PCDHB8: variants seen among roughly 807,000 people sequenced by gnomAD.
The protein encoded by PCDHB8 is protocadherin beta 8.
For missense variants in PCDHB8, 836 were observed against 1,004.0 expected (o/e 0.83, Z 2.26); for synonymous variants, 385 against 448.5 (o/e 0.86, Z 1.79).
chr5:141,180,042 C>T lies in PCDHB8; in HGVS notation c.2008C>T (p.Pro670Ser). The T allele has an allele frequency of 6.2e-7, 1 of 1,609,540 alleles. No individual in the cohort carries two copies. The highest frequency in any genetic ancestry group is 8.5e-7 in the Non-Finnish European group (1 of 1,179,824). ...HVLLVDGFSQ[P>S]YLPLPEAAPA... Reference sequence around the variant, plus strand: ...GCTCCTGGTGGACGGCTTCTCCCAGCCCTACCTGCCGCTTCCGGAGGCTGC... The same window carrying T: ...GCTCCTGGTGGACGGCTTCTCCCAGTCCTACCTGCCGCTTCCGGAGGCTGC... Residue 670 changes from proline to serine, a missense_variant, in exon 1 of 1, where the codon CCC becomes TCC. By Grantham distance (74) the Pro-to-Ser change is moderately conservative. Coordinates refer to ENST00000239444, the MANE Select transcript of PCDHB8 (RefSeq NM_019120.5).
At position 141,179,877 on chromosome 5, in the gene PCDHB8, C is replaced by G. The variant is rs782255854; in HGVS notation, c.1843C>G (p.Leu615Val). ...GCTGCTCAAGGCCACGGAGCCCGGG[C>G]TGTTCGGTGTGTGGGCGCACAATGG... Reference protein sequence around the residue: ...YQLLKATEPGLFGVWAHNGEV... With the variant: ...YQLLKATEPGVFGVWAHNGEV... The change falls in exon 1 of 1, where the codon CTG (leucine) becomes GTG (valine). Residue 615 changes from leucine (L) to valine (V), a missense_variant. Transcript: ENST00000239444. 10 of 1,609,796 alleles carry G rather than the reference C, an allele frequency of 6.2e-6. No individual in the cohort carries two copies. Among genetic ancestry groups the G allele is most frequent in the Non-Finnish European group, 7.6e-6 (9 of 1,179,676 alleles).
chr5:141,179,876 G>T lies in PCDHB8; in HGVS notation c.1842G>T (p.Gly614=), dbSNP rs1554281433. 2 of 1,609,746 alleles carry T rather than the reference G, an allele frequency of 1.2e-6. No individual in the cohort carries two copies. The highest frequency in any genetic ancestry group is 2.2e-5 in the South Asian group (2 of 90,972). The change falls in exon 1 of 1, where the codon GGG becomes GGT. Residue 614 remains glycine (G), a synonymous_variant. Transcript: ENST00000239444. ...AGCTGCTCAAGGCCACGGAGCCCGGGCTGTTCGGTGTGTGGGCGCACAATG... is the reference window on the plus strand; with the variant it reads ...AGCTGCTCAAGGCCACGGAGCCCGGTCTGTTCGGTGTGTGGGCGCACAATG... ...SYQLLKATEP[G]LFGVWAHNGE... is the part of the protein sequence containing the mutation.
In PCDHB8 at chr5:141,178,755, C is replaced by A; in HGVS notation, c.721C>A (p.Pro241Thr). ...IEVVDVNDNA[P>T]EFEQPFYRVQ... ...AGTTGTCGATGTCAATGATAATGCC[C>A]CTGAATTTGAGCAGCCTTTCTATAG... Residue 241 changes from proline (P) to threonine (T), a missense_variant, in exon 1 of 1, where the codon CCT (proline) becomes ACT (threonine). Physicochemically the swap from Pro to Thr is conservative, Grantham distance 38. Transcript: ENST00000239444. 1 of 1,612,814 alleles carries A rather than the reference C, an allele frequency of 6.2e-7. No individual in the cohort carries two copies. Among genetic ancestry groups the A allele is most frequent in the African/African-American group, 1.3e-5 (1 of 74,980 alleles).
chr5:141,179,906 G>C lies in PCDHB8; in HGVS notation c.1872G>C (p.Glu624Asp). The C allele has an allele frequency of 6.2e-7, 1 of 1,609,474 alleles. No individual in the cohort carries two copies. Among genetic ancestry groups the C allele is most frequent in the Non-Finnish European group, 8.5e-7 (1 of 1,179,656 alleles). The part of the protein sequence containing the change: ...GLFGVWAHNG[E>D]VRTARLLSER... ...TCGGTGTGTGGGCGCACAATGGCGA[G>C]GTGCGCACCGCCAGGCTGCTGAGCG... The change falls in exon 1 of 1, where the codon GAG becomes GAC. Residue 624 changes from glutamate to aspartate, a missense_variant. Transcript: ENST00000239444.
rs1554281520 is a variant in PCDHB8 at position 141,180,043 on chromosome 5, C to A, written c.2009C>A (p.Pro670His). The change falls in exon 1 of 1, where the codon CCC becomes CAC. Residue 670 changes from proline to histidine, a missense_variant. Transcript: ENST00000239444. The part of the protein sequence containing the change: ...HVLLVDGFSQ[P>H]YLPLPEAAPA... ...CTCCTGGTGGACGGCTTCTCCCAGC[C>A]CTACCTGCCGCTTCCGGAGGCTGCC... 6.2e-7 allele frequency: 1 copy of A among 1,609,652 alleles called. No individual in the cohort carries two copies. The highest frequency in any genetic ancestry group is 1.1e-5 in the South Asian group (1 of 90,988).
At position 141,179,416 on chromosome 5, in the gene PCDHB8, T is replaced by C; in HGVS notation, c.1382T>C (p.Val461Ala). Reference sequence around the variant, plus strand: ...ACCCAAACCTCCTACACCCTGTTCGTCCGCGAGAACAACAGCCCCGCCCTG... The same window carrying C: ...ACCCAAACCTCCTACACCCTGTTCGCCCGCGAGAACAACAGCCCCGCCCTG... ...AFTQTSYTLF[V>A]RENNSPALHI... The change falls in exon 1 of 1, where the codon GTC (valine) becomes GCC (alanine). Residue 461 changes from valine (V) to alanine (A), a missense_variant. Transcript: ENST00000239444. 3 of 1,614,158 alleles carry C rather than the reference T, an allele frequency of 1.9e-6. No individual in the cohort carries two copies. Among genetic ancestry groups the C allele is most frequent in the Non-Finnish European group, 2.5e-6 (3 of 1,180,036 alleles).
In PCDHB8 at chr5:141,179,814, G is replaced by A. The variant is rs782483601; in HGVS notation, c.1780G>A (p.Asp594Asn). The change falls in exon 1 of 1, where the codon GAC becomes AAC. Residue 594 changes from aspartate (D) to asparagine (N), a missense_variant. Coordinates refer to ENST00000239444, the MANE Select transcript of PCDHB8 (RefSeq NM_019120.5). ...GYLVTKVVAV[D>N]GDSGQNAWLS... ...CCTGGTGACCAAGGTGGTGGCGGTG[G>A]ACGGCGACTCGGGCCAGAACGCCTG... 1 of 1,610,238 alleles carries A rather than the reference G, an allele frequency of 6.2e-7. No homozygotes were observed.
At position 141,179,681 on chromosome 5, in the gene PCDHB8, C is replaced by G; in HGVS notation, c.1647C>G (p.Arg549=). The change falls in exon 1 of 1, where the codon CGC becomes CGG. Residue 549 remains arginine, a synonymous_variant. Coordinates refer to ENST00000239444, the MANE Select transcript of PCDHB8 (RefSeq NM_019120.5). ...SPALSSEALV[R]VLVLDANDNS... is the part of the protein sequence containing the mutation. ...CTTTGAGCAGCGAGGCGCTGGTGCG[C>G]GTGCTGGTGCTGGACGCCAACGACA... 2 of 1,612,364 alleles carry G rather than the reference C, an allele frequency of 1.2e-6. No homozygotes were observed. Among genetic ancestry groups the G allele is most frequent in the Middle Eastern group, 2.1e-4 (1 of 4,816 alleles).
At position 141,179,854 on chromosome 5, in the gene PCDHB8, TGCTCAAGGCCACGGAG is replaced by T; in HGVS notation, c.1821_1836del (p.Leu608ProfsTer19). On this transcript the variant is annotated frameshift_variant, in exon 1 of 1. Transcript: ENST00000239444. LOFTEE classifies it low-confidence loss of function (END_TRUNC). Reference sequence around the variant, plus strand: ...CAGAACGCCTGGCTGTCGTACCAGCTGCTCAAGGCCACGGAGCCCGGGCTGTTCGGTGTGTGGGCGC... The same window carrying T: ...CAGAACGCCTGGCTGTCGTACCAGCTCCCGGGCTGTTCGGTGTGTGGGCGC... 6.2e-7 allele frequency: 1 copy of T among 1,610,144 alleles called. No homozygotes were observed. Among genetic ancestry groups the T allele is most frequent in the Non-Finnish European group, 8.5e-7 (1 of 1,179,656 alleles).
Position 141,178,547 on chromosome 5 carries a change from T to G in PCDHB8, c.513T>G (p.Tyr171Ter). Reference protein sequence around the residue: ...LDIGQNNIENYIISPNSYFRV... With the variant: ...LDIGQNNIEN ...TAGGCCAAAACAATATTGAGAACTA[T>G]ATAATCAGCCCCAACTCCTATTTTC... Residue 171 changes from tyrosine (Y) to a stop codon, truncating the protein, a stop_gained, in exon 1 of 1, where the codon TAT becomes TAG. Coordinates refer to ENST00000239444, the MANE Select transcript of PCDHB8 (RefSeq NM_019120.5). LOFTEE classifies it low-confidence loss of function (END_TRUNC). The G allele has an allele frequency of 6.2e-7, 1 of 1,614,164 alleles. No individual in the cohort carries two copies. Among genetic ancestry groups the G allele is most frequent in the Admixed American group, 1.7e-5 (1 of 60,018 alleles).
Position 141,180,257 on chromosome 5 carries a change from G to A in PCDHB8, c.2223G>A (p.Arg741=), listed in dbSNP as rs782748542. ...GPFPGHLVDV[R]GTGSLSQNYQ... ...TTCCAGGGCATCTGGTGGACGTGAG[G>A]GGCACCGGGAGCCTGTCTCAGAACT... Residue 741 remains arginine, a synonymous_variant, in exon 1 of 1, where the codon AGG becomes AGA. Transcript: ENST00000239444. The A allele has an allele frequency of 4.3e-6, 7 of 1,613,786 alleles. No individual in the cohort carries two copies. The highest frequency in any genetic ancestry group is 1.7e-5 in the Admixed American group (1 of 60,018).
chr5:141,178,746 G>A lies in PCDHB8; in HGVS notation c.712G>A (p.Asp238Asn), dbSNP rs1753448978. Residue 238 changes from aspartate to asparagine, a missense_variant, in exon 1 of 1, where the codon GAT (aspartate) becomes AAT (asparagine). Physicochemically the swap from Asp to Asn is conservative, Grantham distance 23. Transcript: ENST00000239444. ...CTACATTGAAGTTGTCGATGTCAAT[G>A]ATAATGCCCCTGAATTTGAGCAGCC... is the stretch of plus-strand genomic sequence containing the variant. ...QVYIEVVDVN[D>N]NAPEFEQPFY... 6.2e-7 allele frequency: 1 copy of A among 1,604,370 alleles called. No homozygotes were observed. The highest frequency in any genetic ancestry group is 8.5e-7 in the Non-Finnish European group (1 of 1,172,048).
rs782181822 is a variant in PCDHB8 at position 141,178,809 on chromosome 5, A to G, written c.775A>G (p.Ser259Gly). 2.4e-5 allele frequency: 39 copies of G among 1,613,956 alleles called. No individual in the cohort carries two copies. The East Asian group carries it at 5.1e-4, about 21-fold the overall frequency. Residue 259 changes from serine to glycine, a missense_variant, in exon 1 of 1, where the codon AGC (serine) becomes GGC (glycine). Coordinates refer to ENST00000239444, the MANE Select transcript of PCDHB8 (RefSeq NM_019120.5). ...GCAGATCTCTGAGGACAGTCCAATA[A>G]GCTTCCTGGTTGTGAAGGTCTCTGC... ...RVQISEDSPI[S>G]FLVVKVSATD...
Position 141,179,250 on chromosome 5 carries a change from A to T in PCDHB8, c.1216A>T (p.Thr406Ser). ...SSVGNFYTLLTETPLDRESRA... is the reference protein window; with the variant it reads ...SSVGNFYTLLSETPLDRESRA... ...TGTGGGGAACTTTTACACCCTACTAACAGAGACACCACTAGACAGAGAAAG... is the reference window on the plus strand; with the variant it reads ...TGTGGGGAACTTTTACACCCTACTATCAGAGACACCACTAGACAGAGAAAG... The change falls in exon 1 of 1, where the codon ACA becomes TCA. Residue 406 changes from threonine to serine, a missense_variant. Physicochemically the swap from Thr to Ser is moderately conservative, Grantham distance 58. Transcript: ENST00000239444. The T allele has an allele frequency of 7.4e-6, 12 of 1,614,142 alleles. No individual in the cohort carries two copies. The highest frequency in any genetic ancestry group is 1.0e-5 in the Non-Finnish European group (12 of 1,180,032).
chr5:141,179,294 C>A lies in PCDHB8; in HGVS notation c.1260C>A (p.Val420=). The A allele has an allele frequency of 6.2e-7, 1 of 1,614,252 alleles. No individual in the cohort carries two copies. Among genetic ancestry groups the A allele is most frequent in the Non-Finnish European group, 8.5e-7 (1 of 1,180,046 alleles). ...LDRESRAEYN[V]TITVTDLGTP... ...GAGAAAGCAGAGCCGAGTACAACGT[C>A]ACTATCACCGTCACTGACTTAGGGA... Residue 420 remains valine (V), a synonymous_variant, in exon 1 of 1, where the codon GTC becomes GTA. Coordinates refer to ENST00000239444, the MANE Select transcript of PCDHB8 (RefSeq NM_019120.5).
rs147123510 is a variant in PCDHB8 at position 141,180,125 on chromosome 5, G to A, written c.2091G>A (p.Ser697=). 1.6e-4 allele frequency: 261 copies of A among 1,610,978 alleles called. No homozygotes were observed. The African/African-American group carries it at 3.0e-3, about 19-fold the overall frequency. ...TCTACCTGGTGGTGGCGTTGGCCTC[G>A]GTGTCTTCGCTCTTCCTCTTCTCGG... is the stretch of plus-strand genomic sequence containing the variant. The part of the protein sequence containing the change: ...LTVYLVVALA[S]VSSLFLFSVL... The change falls in exon 1 of 1, where the codon TCG becomes TCA. Residue 697 remains serine, a synonymous_variant. Coordinates refer to ENST00000239444, the MANE Select transcript of PCDHB8 (RefSeq NM_019120.5).
Position 141,180,050 on chromosome 5 carries a change from G to T in PCDHB8, c.2016G>T (p.Leu672=). 3 of 1,609,656 alleles carry T rather than the reference G, an allele frequency of 1.9e-6. No homozygotes were observed. Among genetic ancestry groups the T allele is most frequent in the Non-Finnish European group, 1.7e-6 (2 of 1,179,830 alleles). Residue 672 remains leucine, a synonymous_variant, in exon 1 of 1, where the codon CTG becomes CTT. Coordinates refer to ENST00000239444, the MANE Select transcript of PCDHB8 (RefSeq NM_019120.5). Reference sequence around the variant, plus strand: ...TGGACGGCTTCTCCCAGCCCTACCTGCCGCTTCCGGAGGCTGCCCCAGCCC... The same window carrying T: ...TGGACGGCTTCTCCCAGCCCTACCTTCCGCTTCCGGAGGCTGCCCCAGCCC... ...LLVDGFSQPY[L]PLPEAAPAQG... is the part of the protein sequence containing the mutation.
chr5:141,179,220 T>C lies in PCDHB8; in HGVS notation c.1186T>C (p.Ser396Pro), dbSNP rs782602946. 3.1e-6 allele frequency: 5 copies of C among 1,614,192 alleles called. No individual in the cohort carries two copies. The highest frequency in any genetic ancestry group is 3.4e-6 in the Non-Finnish European group (4 of 1,180,038). Residue 396 changes from serine to proline, a missense_variant, in exon 1 of 1, where the codon TCT (serine) becomes CCT (proline). Ser to Pro is a moderately conservative substitution (Grantham distance 74). Transcript: ENST00000239444. ...GGAGGATCTACCCTTCCTCCTGAAA[T>C]CTTCTGTGGGGAACTTTTACACCCT... Reference protein sequence around the residue: ...IQEDLPFLLKSSVGNFYTLLT... With the variant: ...IQEDLPFLLKPSVGNFYTLLT...
chr5:141,180,312 T>C lies in PCDHB8; in HGVS notation c.2278T>C (p.Ser760Pro), dbSNP rs1554281695. Residue 760 changes from serine (S) to proline (P), a missense_variant, in exon 1 of 1, where the codon TCA becomes CCA. Coordinates refer to ENST00000239444, the MANE Select transcript of PCDHB8 (RefSeq NM_019120.5). ...YQYEVCLAGG[S>P]GTNEFQLLKP... ...GTACGAGGTGTGCCTGGCAGGAGGCTCAGGGACGAATGAGTTCCAGCTCCT... is the reference window on the plus strand; with the variant it reads ...GTACGAGGTGTGCCTGGCAGGAGGCCCAGGGACGAATGAGTTCCAGCTCCT... The C allele has an allele frequency of 6.2e-7, 1 of 1,614,066 alleles. No individual in the cohort carries two copies. The highest frequency in any genetic ancestry group is 1.7e-5 in the Admixed American group (1 of 60,026).
Sources: gnomAD v4.1 joint callset for allele counts on GRCh38, gnomAD v4.1.1 for gene constraint, MANE v1.5 for transcripts, NCBI Gene and HGNC (gene_info 2026-07-23, HGNC 2026-07-21) for gene names.